SIPA1L3: variants seen among roughly 807,000 people sequenced by gnomAD.
The protein encoded by SIPA1L3 is signal induced proliferation associated 1 like 3.
A neutral mutation model predicts 150.1 loss-of-function variants in SIPA1L3; 59 were observed. The ratio of observed to expected loss-of-function variants is 0.39; its 90% CI spans 0.32 to 0.49. The LOEUF is 0.49. Among genes scored for constraint, SIPA1L3 ranks in the 20% least tolerant of loss-of-function variants. The pLI, the probability that SIPA1L3 is intolerant of heterozygous loss-of-function variation, is 0.86. For missense variants in SIPA1L3, 2,211 were observed against 2,489.5 expected (o/e 0.89, Z 2.38); for synonymous variants, 1,070 against 1,077.6 (o/e 0.99, Z 0.14).
Position 38,063,696 on chromosome 19 carries a change from C to T in SIPA1L3, c.-310-17560C>T, listed in dbSNP as rs1007488014. On this transcript the variant is annotated intron_variant, in intron 2 of 21. Coordinates refer to ENST00000222345, the MANE Select transcript of SIPA1L3 (RefSeq NM_015073.3). ...TAAGTATTTAACCATCAGTCTAGCC[C>T]GGGCAGTGGCCCACGGGAGCAGGCC... is the stretch of plus-strand genomic sequence containing the variant. Among the ~76,000 whole-genome samples, 26 of 152,202 alleles carry T rather than the reference C, an allele frequency of 1.7e-4. 1 individual carries two copies. Among genetic ancestry groups the T allele is most frequent in the Non-Finnish European group, 3.5e-4 (24 of 68,036 alleles).
At position 38,083,053 on chromosome 19, in the gene SIPA1L3, T is replaced by A; in HGVS notation, c.1488T>A (p.His496Gln). Residue 496 changes from histidine to glutamine, a missense_variant, in exon 3 of 22, where the codon CAT becomes CAA. By Grantham distance (24) the His-to-Gln change is conservative. Transcript: ENST00000222345. Reference sequence around the variant, plus strand: ...GGCCCCGGCAGTACAGCATCGAGCATGTGGACCTGGGCGCCCGCTACTACC... The same window carrying A: ...GGCCCCGGCAGTACAGCATCGAGCAAGTGGACCTGGGCGCCCGCTACTACC... ...QSRPRQYSIE[H>Q]VDLGARYYQD... is the part of the protein sequence containing the mutation. The A allele has an allele frequency of 6.2e-7, 1 of 1,612,688 alleles. No homozygotes were observed. The highest frequency in any genetic ancestry group is 8.5e-7 in the Non-Finnish European group (1 of 1,179,964).
intron 1 of SIPA1L3, among the ~76,000 whole-genome samples, chr19:37,997,429 G>A (rs1424344931): frequency 1.3e-5 from 2 of 151,692 alleles, no homozygotes; most frequent in South Asian, 2.1e-4. Context: ...TTAGCCAGGC[G>A]TGGTAGCATA....
At chr19:38,202,557 C>T (rs1189909616) in intron 20 of SIPA1L3, among the ~76,000 whole-genome samples, 1 of 152,106 alleles carries the variant, frequency 6.6e-6, no homozygotes, top group African/African-American at 2.4e-5. Flanking sequence ...CACTGCACTC[C>T]AGCCTGGGCC....
intron 1 of SIPA1L3, among the ~76,000 whole-genome samples, chr19:37,994,763 T>C (rs1967591730): frequency 6.6e-6 from 1 of 152,164 alleles, no homozygotes; most frequent in Non-Finnish European, 1.5e-5. Flanking sequence ...CATTGAACCC[T>C]CCCTCTACCA....
chr19:37,982,073 C>T (rs554332282), intron 1 of SIPA1L3, among the ~76,000 whole-genome samples: 4 of 152,270 alleles, frequency 2.6e-5, no homozygotes, highest in East Asian at 3.9e-4. Flanking sequence ...GCAAAACAGC[C>T]GGACTCCCAA....
At chr19:38,020,862 C>T (rs569895207) in intron 1 of SIPA1L3, among the ~76,000 whole-genome samples, 1 of 152,146 alleles carries the variant, frequency 6.6e-6, no homozygotes, top group South Asian at 2.1e-4. Flanking sequence ...GGCTGGAGTG[C>T]AGTGGCACTA....
At chr19:38,091,925 A>G (rs1320771915) in intron 4 of SIPA1L3, among the ~76,000 whole-genome samples, 1 of 151,928 alleles carries the variant, frequency 6.6e-6, no homozygotes, top group Non-Finnish European at 1.5e-5. Flanking sequence ...TTAGCTAGGC[A>G]TGGTAGCAGG....
At chr19:37,944,421 T>C (rs1479526012) in intron 1 of SIPA1L3, among the ~76,000 whole-genome samples, 1 of 152,154 alleles carries the variant, frequency 6.6e-6, no homozygotes, top group Non-Finnish European at 1.5e-5. Flanking sequence ...AGAGCCAGGG[T>C]GCCTGGGTTC....
chr19:38,008,314 G>A (rs1360321190), intron 1 of SIPA1L3, among the ~76,000 whole-genome samples: 1 of 132,568 alleles, frequency 7.5e-6, no homozygotes, highest in Non-Finnish European at 1.5e-5. Flanking sequence ...TGCAACCTCT[G>A]CCTCCCGGGT....
At chr19:38,108,738 C>G (rs1297666299) in intron 7 of SIPA1L3, 1 of 152,236 alleles carries the variant, frequency 6.6e-6, no homozygotes, top group African/African-American at 2.4e-5. Context: ...ACCTGTAATC[C>G]CAGCACTTTG....
chr19:38,175,036 T>C (rs1972407862), intron 15 of SIPA1L3, among the ~76,000 whole-genome samples: 1 of 152,072 alleles, frequency 6.6e-6, no homozygotes, highest in Admixed American at 6.6e-5. Context: ...TAAAATATCG[T>C]CTCTCAAACC....
At chr19:38,086,558 C>A (rs1654357) in intron 3 of SIPA1L3, among the ~76,000 whole-genome samples, 24,472 of 152,144 alleles carry the variant, frequency 0.16, 2,104 homozygotes, top group African/African-American at 0.22. Flanking sequence ...TGGTGCATGT[C>A]TGTAGTCCCA....
intron 1 of SIPA1L3, among the ~76,000 whole-genome samples, chr19:37,991,380 C>T (rs564900428): frequency 1.2e-3 from 186 of 152,362 alleles, no homozygotes; most frequent in African/African-American, 4.2e-3. Flanking sequence ...AGGGCCAAAC[C>T]GGCTGATCTC....
rs778077624 is a variant in SIPA1L3, at chr19:38,083,019, C to T, written c.1454C>T (p.Thr485Met). ...GAAGTTCCCAAGGAGCAGCAGCGGA[C>T]GCAGAGTCGGCCCCGGCAGTACAGC... ...VLEVPKEQQR[T>M]QSRPRQYSIE... Residue 485 changes from threonine to methionine, a missense_variant, in exon 3 of 22, where the codon ACG becomes ATG. Thr to Met is a moderately conservative substitution (Grantham distance 81). Coordinates refer to ENST00000222345, the MANE Select transcript of SIPA1L3 (RefSeq NM_015073.3). The T allele has an allele frequency of 6.2e-6, 10 of 1,613,168 alleles. No homozygotes were observed. The highest frequency in any genetic ancestry group is 5.5e-5 in the South Asian group (5 of 91,080).
At chr19:37,953,315 A>G (rs2046781211) in intron 1 of SIPA1L3, among the ~76,000 whole-genome samples, 1 of 152,076 alleles carries the variant, frequency 6.6e-6, no homozygotes, top group Non-Finnish European at 1.5e-5. Flanking sequence ...GTATCGCATC[A>G]TGTTTCAGGA....
chr19:37,940,666 C>T (rs759886037), intron 1 of SIPA1L3, among the ~76,000 whole-genome samples: 5 of 152,096 alleles, frequency 3.3e-5, no homozygotes, highest in East Asian at 1.9e-4. Context: ...CTGCAACCTC[C>T]GTCTCCCGAG....
At chr19:38,134,403 CAAA>C (rs1175309814) in intron 10 of SIPA1L3, among the ~76,000 whole-genome samples, 12,101 of 63,962 alleles carry the variant, frequency 0.19, 668 homozygotes, top group African/African-American at 0.23. Context: ...CAAGCTTTCT[CAAA>C]AAAAAAAAAA....
chr19:38,142,876 T>A (rs1208017815), intron 12 of SIPA1L3, among the ~76,000 whole-genome samples, 166 bp downstream of exon 12: 1 of 152,118 alleles, frequency 6.6e-6, no homozygotes, highest in Non-Finnish European at 1.5e-5. Context: ...TCTCAAGTTT[T>A]GGAGCAAAAC....
intron 2 of SIPA1L3, among the ~76,000 whole-genome samples, chr19:38,075,547 G>A (rs1463350137): frequency 2.0e-5 from 3 of 152,112 alleles, no homozygotes; most frequent in African/African-American, 4.8e-5. Flanking sequence ...TTGGGAGGCC[G>A]AGGCTGGCGG....
Sources: allele counts gnomAD v4.1 joint callset (sites outside exome capture counted in the v4.1 genomes callset), GRCh38; gene constraint gnomAD v4.1.1; transcripts MANE v1.5; gene names NCBI Gene and HGNC (gene_info 2026-07-23, HGNC 2026-07-21).